BABAM2: variants seen among roughly 807,000 people sequenced by gnomAD.
The protein encoded by BABAM2 is BRISC and BRCA1 A complex member 2.
A neutral mutation model predicts 54.7 loss-of-function variants in BABAM2; 31 were observed. The ratio of observed to expected loss-of-function variants is 0.57; its 90% CI spans 0.43 to 0.77. The LOEUF (loss-of-function observed/expected upper bound fraction) is 0.77. BABAM2 is among the 30% of genes least tolerant of loss of function. The pLI is 0.00. For synonymous variants in BABAM2, 167 were observed against 162.9 expected, an observed-to-expected ratio of 1.03 and a Z score of -0.19; for missense variants, 364 against 455.8, an observed-to-expected ratio of 0.80 and a Z score of 1.83.
At chr2:27,945,540 A>G (rs760283180) in intron 3 of BABAM2, among the ~76,000 whole-genome samples, 10 of 152,124 alleles carry the variant, frequency 6.6e-5, no homozygotes, top group Non-Finnish European at 1.2e-4. Flanking sequence ...AGTCCTTTGC[A>G]TTTCCATAGA....
At chr2:28,188,824 T>A (rs1364734984) in intron 7 of BABAM2, among the ~76,000 whole-genome samples, 2 of 152,254 alleles carry the variant, frequency 1.3e-5, no homozygotes, top group Non-Finnish European at 2.9e-5. Flanking sequence ...ATTGTTTTTA[T>A]CTGCTTAATT....
At chr2:27,963,299 G>C (rs566381310) in intron 3 of BABAM2, among the ~76,000 whole-genome samples, 1 of 152,008 alleles carries the variant, frequency 6.6e-6, no homozygotes, top group East Asian at 1.9e-4. Flanking sequence ...GCAAAACCCC[G>C]TGTCTACTAA....
chr2:28,080,687 G>T (rs72814436), intron 6 of BABAM2, among the ~76,000 whole-genome samples: 2,641 of 152,236 alleles, frequency 0.017, 34 homozygotes, highest in Middle Eastern at 0.058. Context: ...AAAGAGAAAA[G>T]AAAACTGCTT....
intron 7 of BABAM2, chr2:28,134,480 G>A (rs1670371288): frequency 6.6e-6 from 1 of 152,210 alleles, no homozygotes; most frequent in African/African-American, 2.4e-5. Flanking sequence ...CCTTTTCTTG[G>A]CTTGAGCCAC....
chr2:27,956,971 A>G (rs1670136128), intron 3 of BABAM2, among the ~76,000 whole-genome samples: 1 of 152,236 alleles, frequency 6.6e-6, no homozygotes, highest in Non-Finnish European at 1.5e-5. Context: ...TAAGCAAATC[A>G]TGAAATGATT....
At chr2:27,955,730 T>C (rs1163998248) in intron 3 of BABAM2, among the ~76,000 whole-genome samples, 1 of 152,240 alleles carries the variant, frequency 6.6e-6, no homozygotes, top group Non-Finnish European at 1.5e-5. Flanking sequence ...TTGAGATTTT[T>C]CTATTCCTAA....
intron 10 of BABAM2, among the ~76,000 whole-genome samples, chr2:28,295,572 T>C (rs1005725598): frequency 6.6e-6 from 1 of 152,162 alleles, no homozygotes; most frequent in Non-Finnish European, 1.5e-5. Context: ...CTCGGCTCAC[T>C]GCAACATCTC....
chr2:28,133,005 T>G (rs1670222021), intron 7 of BABAM2, among the ~76,000 whole-genome samples: 1 of 152,232 alleles, frequency 6.6e-6, no homozygotes, highest in African/African-American at 2.4e-5. Flanking sequence ...TCCTGGTTGC[T>G]ACAAATTCAC....
chr2:27,890,412 G>A (rs1024851311), upstream of BABAM2: 15 of 1,478,970 alleles, frequency 1.0e-5, no homozygotes, highest in African/African-American at 1.1e-4. The surrounding 1 kb of genome is among the most constrained non-coding windows in gnomAD (Gnocchi z 4.8). Flanking sequence ...CGTAACCAGA[G>A]ACGCCACTCC....
chr2:28,212,676 T>C (rs557982264), intron 7 of BABAM2, among the ~76,000 whole-genome samples: 1 of 152,340 alleles, frequency 6.6e-6, no homozygotes, highest in Non-Finnish European at 1.5e-5. Flanking sequence ...CCTTATCTCC[T>C]GCTCCCGACC....
intron 7 of BABAM2, among the ~76,000 whole-genome samples, chr2:28,146,794 C>G (rs982496888): frequency 2.0e-5 from 3 of 152,102 alleles, no homozygotes; most frequent in Non-Finnish European, 4.4e-5. Flanking sequence ...ATCTCTAGAA[C>G]TCTCATGTAT....
At chr2:28,308,185 C>T (rs1688729395) in intron 11 of BABAM2, 1 of 327,448 alleles carries the variant, frequency 3.1e-6, no homozygotes, top group Non-Finnish European at 6.0e-6. Flanking sequence ...GAAAAAAGTT[C>T]TTGCCCCTCC....
At chr2:27,946,006 A>T (rs1573232992) in intron 3 of BABAM2, among the ~76,000 whole-genome samples, 1 of 152,114 alleles carries the variant, frequency 6.6e-6, no homozygotes, top group African/African-American at 2.4e-5. Context: ...TATATAATTT[A>T]TATTTCTCAT....
chr2:27,910,431 TATAC>T (rs1004546839), intron 2 of BABAM2, among the ~76,000 whole-genome samples: 4 of 152,188 alleles, frequency 2.6e-5, no homozygotes, highest in African/African-American at 9.7e-5. Flanking sequence ...TGAGGTATAG[TATAC>T]ATTCAGAAAA....
intron 3 of BABAM2, among the ~76,000 whole-genome samples, chr2:27,952,271 A>T (rs1031040252): frequency 2.0e-5 from 3 of 152,068 alleles, no homozygotes; most frequent in African/African-American, 4.8e-5. Flanking sequence ...GTCAATTGGG[A>T]TGTTTAGACC....
chr2:28,101,708 T>C (rs1029295385), intron 6 of BABAM2, among the ~76,000 whole-genome samples: 1 of 152,220 alleles, frequency 6.6e-6, no homozygotes, highest in African/African-American at 2.4e-5. Flanking sequence ...TGTTTTATGA[T>C]GTTCATAATG....
intron 4 of BABAM2, among the ~76,000 whole-genome samples, chr2:27,989,583 G>A (rs990416606): frequency 5.3e-5 from 8 of 152,162 alleles, no homozygotes; most frequent in African/African-American, 1.9e-4. Context: ...AGACTGTGGG[G>A]CACATTGAAT....
chr2:28,225,240 G>C (rs1431796640), intron 7 of BABAM2, among the ~76,000 whole-genome samples: 1 of 152,150 alleles, frequency 6.6e-6, no homozygotes, highest in African/African-American at 2.4e-5. Context: ...CTAGAGAAAG[G>C]GCAAGGCTGA....
chr2:27,927,025 G>C (rs886204709), intron 2 of BABAM2, among the ~76,000 whole-genome samples: 25 of 152,124 alleles, frequency 1.6e-4, no homozygotes, highest in Admixed American at 1.5e-3. Flanking sequence ...TAGTACACCA[G>C]AATGTATTCC....
Sources: allele counts gnomAD v4.1 joint callset (sites outside exome capture counted in the v4.1 genomes callset), GRCh38; gene constraint gnomAD v4.1.1; non-coding constraint Gnocchi (gnomAD v3.1); transcripts MANE v1.5; gene names NCBI Gene and HGNC (gene_info 2026-07-23, HGNC 2026-07-21).